The following SS18 variants were observed in gnomAD, a reference collection of about 807,000 sequenced individuals.
SS18 encodes the protein protein SSXT.
SS18 carries 28 observed loss-of-function variants against 72.5 expected under a neutral mutation model. That is an observed-to-expected ratio of 0.39 (90% CI 0.29 to 0.53). The LOEUF (loss-of-function observed/expected upper bound fraction) is 0.53. Among genes scored for constraint, SS18 ranks in the 20% least tolerant of loss-of-function variants. The probability of loss-of-function intolerance (pLI) is 0.76; values close to 1 mark genes in which losing one functional copy is unlikely to be tolerated. For missense variants in SS18, 518 were observed against 535.3 expected (o/e 0.97, Z 0.32); for synonymous variants, 172 against 164.2 (o/e 1.05, Z -0.37).
At chr18:26,083,148 A>C (rs1290863299) in intron 2 of SS18, among the ~76,000 whole-genome samples, 1 of 152,218 alleles carries the variant, frequency 6.6e-6, no homozygotes, top group Non-Finnish European at 1.5e-5. Flanking sequence ...AAAACGGCAG[A>C]ATTTAAGATT....
chr18:26,087,928 T>C (rs530156745), intron 1 of SS18, among the ~76,000 whole-genome samples: 2 of 152,334 alleles, frequency 1.3e-5, no homozygotes, highest in South Asian at 4.1e-4. Context: ...TTAAATCTCT[T>C]GTAAAAATAT....
At chr18:26,034,975 G>T in intron 9 of SS18, 30 bp downstream of exon 9, 2 of 1,581,902 alleles carry the variant, frequency 1.3e-6, no homozygotes, top group Non-Finnish European at 8.6e-7. Context: ...CATTTTTTTG[G>T]TGATAAAAAT....
intron 3 of SS18, among the ~76,000 whole-genome samples, chr18:26,060,806 A>AAAAAAAAAC (rs2054108876): frequency 7.2e-6 from 1 of 138,952 alleles, no homozygotes; most frequent in Non-Finnish European, 1.5e-5. Flanking sequence ...AAAAAAAAAA[A>AAAAAAAAAC]TCAGCCAGGC....
At chr18:26,087,318 T>A (rs1246147757) in intron 2 of SS18, among the ~76,000 whole-genome samples, 183 bp downstream of exon 2, 1 of 152,182 alleles carries the variant, frequency 6.6e-6, no homozygotes, top group Non-Finnish European at 1.5e-5. Context: ...AAAGATGCTG[T>A]AAAACTGACT....
chr18:26,051,305 T>C (rs2053919437), intron 5 of SS18, among the ~76,000 whole-genome samples: 1 of 152,206 alleles, frequency 6.6e-6, no homozygotes, highest in Admixed American at 6.5e-5. Flanking sequence ...TACGACATTT[T>C]TAAAAATAAA....
intron 3 of SS18, among the ~76,000 whole-genome samples, chr18:26,061,109 C>T (rs1012469000): frequency 3.9e-5 from 6 of 152,254 alleles, no homozygotes; most frequent in Non-Finnish European, 7.4e-5. Context: ...GTCAGGAGAT[C>T]GAGACCATCC....
At chr18:26,090,764 T>TG, upstream of SS18, 1 of 617,200 alleles carries the variant, frequency 1.6e-6, no homozygotes, top group Non-Finnish European at 2.8e-6. Flanking sequence ...CTGCGCACTC[T>TG]GGGGGACCCC....
rs1048720604 is a variant in SS18 at position 26,090,165 on chromosome 18, T to C, written c.69+336A>G. 6 of 307,112 alleles carry C rather than the reference T, an allele frequency of 2.0e-5. No homozygotes were observed. In the South Asian group the frequency reaches 2.0e-4, roughly 10 times the overall value. 19.0% of individuals were successfully genotyped at this position (307,112 alleles called of 1,614,324 possible). A position where few individuals can be genotyped will look rare whatever the true frequency, so the allele number is the denominator to read the frequency against. On this transcript the variant is annotated intron_variant, in intron 1 of 10. Coordinates refer to ENST00000415083, the MANE Select transcript of SS18 (RefSeq NM_001007559.3). ...CCGGAGCAACGCGCGGGGCCGCCGG[T>C]CCGACACACGCCCTTCCCTGAGCGG...
intron 10 of SS18, among the ~76,000 whole-genome samples, chr18:26,029,015 A>T (rs962567820): frequency 7.9e-5 from 12 of 152,114 alleles, no homozygotes; most frequent in African/African-American, 2.9e-4. Flanking sequence ...TCAGTGAAGG[A>T]CTCTCTGATA....
At chr18:26,087,657 G>A in intron 1 of SS18, 80 bp from the exon 2 acceptor site, 6 of 814,688 alleles carry the variant, frequency 7.4e-6, no homozygotes, top group Non-Finnish European at 1.0e-5. Context: ...AGAAAGGGAG[G>A]GCATTAGTAA....
At chr18:26,085,470 C>A (rs1421901638) in intron 2 of SS18, among the ~76,000 whole-genome samples, 2 of 152,192 alleles carry the variant, frequency 1.3e-5, no homozygotes. Flanking sequence ...GAAAGCAAAC[C>A]AATACAATCT....
chr18:26,052,614 G>A lies in SS18; in HGVS notation c.607+10C>T, dbSNP rs751816401. 1.2e-6 allele frequency: 2 copies of A among 1,606,640 alleles called. No individual in the cohort carries two copies. The highest frequency in any genetic ancestry group is 1.7e-6 in the Non-Finnish European group (2 of 1,173,190). ...GCACTCTAGTCAAGAAGGACATAAAGCTTAGTTACCTTGGTTTGGCTGCAT... is the reference window on the plus strand; with the variant it reads ...GCACTCTAGTCAAGAAGGACATAAAACTTAGTTACCTTGGTTTGGCTGCAT... On this transcript the variant is annotated intron_variant, in intron 5 of 10. Transcript: ENST00000415083.
chr18:26,085,260 A>T (rs2054596812), intron 2 of SS18, among the ~76,000 whole-genome samples: 1 of 152,200 alleles, frequency 6.6e-6, no homozygotes, highest in African/African-American at 2.4e-5. Context: ...TCTCAAACTC[A>T]TGTCGTCAAA....
At chr18:26,051,846 A>T (rs2053929754) in intron 5 of SS18, among the ~76,000 whole-genome samples, 1 of 152,208 alleles carries the variant, frequency 6.6e-6, no homozygotes, top group South Asian at 2.1e-4. Flanking sequence ...CATCATAAGG[A>T]ATTATCAACA....
intron 2 of SS18, among the ~76,000 whole-genome samples, chr18:26,078,827 C>CA (rs1351509363): frequency 1.3e-5 from 2 of 152,184 alleles, no homozygotes; most frequent in African/African-American, 2.4e-5. Context: ...GCAAAGGTTG[C>CA]AGTGAGCCGA....
intron 10 of SS18, among the ~76,000 whole-genome samples, chr18:26,027,671 TAAAAAAAAAA>T (rs68048813): frequency 2.6e-4 from 7 of 27,292 alleles, no homozygotes; most frequent in African/African-American, 7.5e-4. Context: ...GAGACTCATC[TAAAAAAAAAA>T]AAAAAAAAAA....
intron 6 of SS18, 96 bp from the exon 7 acceptor site, chr18:26,038,755 A>G: frequency 8.7e-7 from 1 of 1,149,364 alleles, no homozygotes; most frequent in Non-Finnish European, 1.3e-6. Context: ...TTATTTCTCA[A>G]CTATAGATTC....
At chr18:26,021,201 G>A (rs1332395400) in intron 10 of SS18, among the ~76,000 whole-genome samples, 1 of 152,202 alleles carries the variant, frequency 6.6e-6, no homozygotes, top group South Asian at 2.1e-4. Flanking sequence ...TTTGGAGCCA[G>A]AAACCAATTT....
chr18:26,056,140 A>G (rs1390308303), intron 4 of SS18, among the ~76,000 whole-genome samples: 1 of 152,222 alleles, frequency 6.6e-6, no homozygotes, highest in African/African-American at 2.4e-5. Context: ...TAACTAGCTT[A>G]TAAAAGAATA....
Sources: gnomAD v4.1 joint callset for allele counts (sites outside exome capture counted in the v4.1 genomes callset) on GRCh38, gnomAD v4.1.1 for gene constraint, MANE v1.5 for transcripts, NCBI Gene and HGNC (gene_info 2026-07-23, HGNC 2026-07-21) for gene names.